The following GSDMA variants were observed in gnomAD, a reference collection of about 807,000 sequenced individuals.
The protein encoded by GSDMA is gasdermin A.
In GSDMA, 55 loss-of-function variants were observed where a neutral mutation model predicts 54.3. The ratio of observed to expected loss-of-function variants is 1.01; its 90% CI spans 0.82 to 1.27. The LOEUF is 1.27. GSDMA is among the 50% of genes most tolerant of loss of function. GSDMA has a pLI of 0.00. For missense variants in GSDMA, 542 were observed against 542.6 expected, an observed-to-expected ratio of 1.00 and a Z score of 0.01; for synonymous variants, 211 against 224.7, an observed-to-expected ratio of 0.94 and a Z score of 0.54.
In GSDMA at chr17:39,976,897, G is replaced by C; in HGVS notation, c.1177G>C (p.Gly393Arg). Residue 393 changes from glycine to arginine, a missense_variant, in exon 12 of 12, where the codon GGG becomes CGG. By Grantham distance (125) the Gly-to-Arg change is moderately radical. Transcript: ENST00000301659. ...GCAACCTGAGCTGCTCTCCTCCCTT[G>C]GGGACGAGGAGCTGACCCTCACGGA... ...PLQPELLSSLGDEELTLTEAL... is the reference protein window; with the variant it reads ...PLQPELLSSLRDEELTLTEAL... 1 of 1,613,968 alleles carries C rather than the reference G, an allele frequency of 6.2e-7. No homozygotes were observed. The highest frequency in any genetic ancestry group is 8.5e-7 in the Non-Finnish European group (1 of 1,179,894).
intron 3 of GSDMA, among the ~76,000 whole-genome samples, chr17:39,966,789 G>C (rs1005978448): frequency 2.0e-5 from 3 of 152,114 alleles, no homozygotes; most frequent in Non-Finnish European, 2.9e-5. Context: ...CATCTCTAAG[G>C]CTCCTTCTAA....
At chr17:39,972,465 A>T in intron 6 of GSDMA, 122 bp from the exon 7 acceptor site, 1 of 892,648 alleles carries the variant, frequency 1.1e-6, no homozygotes, top group East Asian at 2.6e-5. Context: ...GGGGTGGATG[A>T]GCTAGCATAA....
rs1318652771 is a variant in GSDMA, at chr17:39,977,145, C to A, written c.*87C>A. ...CTTACCACCTAAGGGCATTTCAGAGCCATCAGCTGAAGACATCTGAAATCT... is the reference window on the plus strand; with the variant it reads ...CTTACCACCTAAGGGCATTTCAGAGACATCAGCTGAAGACATCTGAAATCT... On this transcript the variant is annotated 3_prime_UTR_variant, in exon 12 of 12. Coordinates refer to ENST00000301659, the MANE Select transcript of GSDMA (RefSeq NM_178171.5). The A allele has an allele frequency of 2.0e-6, 3 of 1,471,946 alleles. No individual in the cohort carries two copies. Among genetic ancestry groups the A allele is most frequent in the East Asian group, 2.3e-5 (1 of 43,938 alleles). The allele number at this position is 1,471,946 out of a possible 1,614,324, so 91.2% of individuals were successfully genotyped here.
intron 1 of GSDMA, among the ~76,000 whole-genome samples, chr17:39,965,260 GA>G (rs1979587813): frequency 3.9e-5 from 5 of 129,180 alleles, no homozygotes; most frequent in African/African-American, 1.2e-4. Flanking sequence ...GAGGGAGGGA[GA>G]GAAAGAAAGA....
intron 3 of GSDMA, 98 bp downstream of exon 3, chr17:39,966,535 C>A: frequency 9.1e-7 from 1 of 1,102,452 alleles, no homozygotes; most frequent in Non-Finnish European, 1.3e-6. Flanking sequence ...GACCCTTGCA[C>A]TGACCTTTGC....
chr17:39,970,935 G>A (rs754551943), intron 4 of GSDMA, among the ~76,000 whole-genome samples: 2 of 152,180 alleles, frequency 1.3e-5, no homozygotes, highest in Non-Finnish European at 2.9e-5. Context: ...TTCCCTCGTG[G>A]TGCTCCCATT....
At chr17:39,975,313 G>C (rs1301370892) in intron 10 of GSDMA, among the ~76,000 whole-genome samples, 2 of 152,124 alleles carry the variant, frequency 1.3e-5, no homozygotes, top group Non-Finnish European at 2.9e-5. Flanking sequence ...GCCGGGCGTG[G>C]TGGCAGGTGC....
chr17:39,968,108 C>T (rs945358472), intron 3 of GSDMA, among the ~76,000 whole-genome samples: 1 of 152,018 alleles, frequency 6.6e-6, no homozygotes, highest in African/African-American at 2.4e-5. Context: ...CTGTCCGCCT[C>T]GGCCTCCCAA....
intron 1 of GSDMA, chr17:39,965,401 G>A (rs1598301763): frequency 4.6e-6 from 2 of 431,492 alleles, no homozygotes; most frequent in South Asian, 3.6e-5. Context: ...AGCGTGGAGT[G>A]AGAAAAATGC....
At position 39,965,729 on chromosome 17, in the gene GSDMA, G is replaced by T; in HGVS notation, c.42G>T (p.Gln14His). Residue 14 changes from glutamine to histidine, a missense_variant, in exon 2 of 12, where the codon CAG becomes CAT. Coordinates refer to ENST00000301659, the MANE Select transcript of GSDMA (RefSeq NM_178171.5). ...ATGTCACCCGGGCCCTGGCCAGACA[G>T]CTAAACCCTCGAGGGGACCTGACAC... ...FENVTRALAR[Q>H]LNPRGDLTPL... 1 of 1,611,442 alleles carries T rather than the reference G, an allele frequency of 6.2e-7. No homozygotes were observed. The highest frequency in any genetic ancestry group is 8.5e-7 in the Non-Finnish European group (1 of 1,178,876).
At chr17:39,964,499 G>C (rs1979548203) in intron 1 of GSDMA, among the ~76,000 whole-genome samples, 1 of 151,496 alleles carries the variant, frequency 6.6e-6, no homozygotes, top group Admixed American at 6.6e-5. Context: ...AATCTGAGAG[G>C]TGGAGACTGC....
intron 3 of GSDMA, 85 bp downstream of exon 3, chr17:39,966,522 T>C (rs1979677775): frequency 7.9e-7 from 1 of 1,259,190 alleles, no homozygotes. Flanking sequence ...AGCTGAAAGG[T>C]AGGACCCTTG....
chr17:39,970,994 G>A (rs1006904341), intron 4 of GSDMA, among the ~76,000 whole-genome samples: 2 of 152,194 alleles, frequency 1.3e-5, no homozygotes, highest in Non-Finnish European at 2.9e-5. Context: ...GTTCATAGAG[G>A]AGACACAGAG....
At chr17:39,975,098 A>G (rs1980144106) in intron 10 of GSDMA, 84 bp downstream of exon 10, 2 of 761,170 alleles carry the variant, frequency 2.6e-6, no homozygotes, top group Non-Finnish European at 4.6e-6. Flanking sequence ...ATGGATGAAT[A>G]AATGAATGAA....
At chr17:39,973,916 G>T in intron 8 of GSDMA, 86 bp downstream of exon 8, 4 of 1,245,198 alleles carry the variant, frequency 3.2e-6, no homozygotes, top group Non-Finnish European at 4.7e-6. Flanking sequence ...GTCATTCTTT[G>T]TCAGCTAACT....
rs377750081 is a variant in GSDMA at position 39,965,679 on chromosome 17, A to G, written c.-5-4A>G. 2.6e-5 allele frequency: 42 copies of G among 1,593,350 alleles called. No individual in the cohort carries two copies. Among genetic ancestry groups the G allele is most frequent in the East Asian group, 9.1e-5 (4 of 43,762 alleles). On this transcript the variant is annotated splice_region_variant and splice_polypyrimidine_tract_variant and intron_variant, in intron 1 of 11. Transcript: ENST00000301659. Reference sequence around the variant, plus strand: ...GACACTCTCCTGTCTCCCCACCTCCACAGAGACAATGACCATGTTTGAAAA... The same window carrying G: ...GACACTCTCCTGTCTCCCCACCTCCGCAGAGACAATGACCATGTTTGAAAA...
Position 39,965,735 on chromosome 17 carries a change from C to A in GSDMA, c.48C>A (p.Asn16Lys), listed in dbSNP as rs747158297. The change falls in exon 2 of 12, where the codon AAC becomes AAA. Residue 16 changes from asparagine (N) to lysine (K), a missense_variant. Transcript: ENST00000301659. ...CCCGGGCCCTGGCCAGACAGCTAAA[C>A]CCTCGAGGGGACCTGACACCACTTG... Reference protein sequence around the residue: ...NVTRALARQLNPRGDLTPLDS... With the variant: ...NVTRALARQLKPRGDLTPLDS... 2.7e-5 allele frequency: 43 copies of A among 1,611,890 alleles called. No homozygotes were observed. Among genetic ancestry groups the A allele is most frequent in the Non-Finnish European group, 3.4e-5 (40 of 1,179,042 alleles).
intron 3 of GSDMA, among the ~76,000 whole-genome samples, chr17:39,968,001 G>C (rs1326614670): frequency 6.6e-6 from 1 of 152,174 alleles, no homozygotes; most frequent in Non-Finnish European, 1.5e-5. Flanking sequence ...GGGACTACAG[G>C]TGTCTGTCAC....
chr17:39,965,909 T>G lies in GSDMA; in HGVS notation c.214+8T>G. On this transcript the variant is annotated splice_region_variant and intron_variant, in intron 2 of 11. Transcript: ENST00000301659. The stretch of plus-strand genomic sequence containing the variant: ...CCGGCAGCTCACCTTCAGGTCAGCC[T>G]CAAGCGGGGCTGGGAACTGAGGGAT... 1 of 1,550,564 alleles carries G rather than the reference T, an allele frequency of 6.4e-7. No homozygotes were observed. Among genetic ancestry groups the G allele is most frequent in the South Asian group, 1.2e-5 (1 of 84,090 alleles).
Sources: allele counts gnomAD v4.1 joint callset (sites outside exome capture counted in the v4.1 genomes callset), GRCh38; gene constraint gnomAD v4.1.1; transcripts MANE v1.5; gene names NCBI Gene and HGNC (gene_info 2026-07-23, HGNC 2026-07-21).